Variants in PLCXD3 observed in about 807,000 individuals in gnomAD.
PLCXD3 encodes the protein phosphatidylinositol specific phospholipase C X domain containing 3, also known as PI-PLC X domain-containing protein 3.
In PLCXD3, 19 loss-of-function variants were observed where a neutral mutation model predicts 25.5. The ratio of observed to expected loss-of-function variants is 0.75; its 90% CI spans 0.52 to 1.09. PLCXD3 has a LOEUF of 1.09. Ranked by LOEUF, PLCXD3 falls within the 50% of genes least tolerant of loss-of-function variation. The pLI is 0.00. For missense variants in PLCXD3, 411 were observed against 388.1 expected, an observed-to-expected ratio of 1.06 and a Z score of -0.50; for synonymous variants, 174 against 137.6, an observed-to-expected ratio of 1.26 and a Z score of -1.85.
chr5:41,489,179 A>T (rs6877159), intron 1 of PLCXD3, among the ~76,000 whole-genome samples: 13,335 of 151,976 alleles, frequency 0.088, 738 homozygotes, highest in South Asian at 0.17. Context: ...CCATTTATTA[A>T]ATAGGGAATC....
chr5:41,355,953 G>T (rs1744605358), intron 2 of PLCXD3, among the ~76,000 whole-genome samples: 1 of 152,038 alleles, frequency 6.6e-6, no homozygotes, highest in South Asian at 2.1e-4. Flanking sequence ...TATATGAAAT[G>T]ATTTTTTATA....
intron 1 of PLCXD3, among the ~76,000 whole-genome samples, chr5:41,500,230 T>C: frequency 6.6e-6 from 1 of 151,904 alleles, no homozygotes; most frequent in Non-Finnish European, 1.5e-5. Context: ...TAGAATACTA[T>C]AATATTCAGC....
At position 41,410,239 on chromosome 5, in the gene PLCXD3, A is replaced by C. The variant is rs573332730; in HGVS notation, c.104-27705T>G. 4.6e-5 allele frequency among the ~76,000 whole-genome samples: 7 copies of C among 150,576 alleles called. No homozygotes were observed. In the East Asian group the frequency reaches 1.2e-3, roughly 25 times the overall value. ...ACTGCAGCCTCCGCCTCCTGGGTTC[A>C]AGCAATTCTCCTGCCTCAGCCTCCT... On this transcript the variant is annotated intron_variant, in intron 1 of 2. Coordinates refer to ENST00000377801, the MANE Select transcript of PLCXD3 (RefSeq NM_001005473.3).
At chr5:41,491,306 T>C (rs1748664007) in intron 1 of PLCXD3, among the ~76,000 whole-genome samples, 1 of 152,232 alleles carries the variant, frequency 6.6e-6, no homozygotes, top group African/African-American at 2.4e-5. Flanking sequence ...AGATAGTTTG[T>C]TATAATTTCT....
At chr5:41,505,930 G>T (rs1479372338) in intron 1 of PLCXD3, among the ~76,000 whole-genome samples, 1 of 152,086 alleles carries the variant, frequency 6.6e-6, no homozygotes. Flanking sequence ...CAATAGAAAG[G>T]GCCTAGTAAA....
Position 41,370,402 on chromosome 5 carries a change from T to G in PLCXD3, c.812+11424A>C, listed in dbSNP as rs189645520. 5.9e-5 allele frequency among the ~76,000 whole-genome samples: 9 copies of G among 152,312 alleles called. No individual in the cohort carries two copies. The East Asian group carries it at 1.7e-3, about 29-fold the overall frequency. ...AAATTTTATAGTTTTAACTTTTTTA[T>G]TGCTGTTGTTACACTGAAAATATTA... On this transcript the variant is annotated intron_variant, in intron 2 of 2. Coordinates refer to ENST00000377801, the MANE Select transcript of PLCXD3 (RefSeq NM_001005473.3).
intron 2 of PLCXD3, among the ~76,000 whole-genome samples, chr5:41,374,073 G>T (rs987169548): frequency 4.6e-5 from 7 of 152,078 alleles, no homozygotes; most frequent in Admixed American, 1.3e-4. Context: ...AACTAACTGA[G>T]CCTAGGGAGG....
chr5:41,489,780 A>G (rs897269723), intron 1 of PLCXD3, among the ~76,000 whole-genome samples: 2 of 151,382 alleles, frequency 1.3e-5, no homozygotes, highest in Non-Finnish European at 3.0e-5. Flanking sequence ...TTGTACATTG[A>G]TTTTGTATCC....
intron 1 of PLCXD3, among the ~76,000 whole-genome samples, chr5:41,494,054 G>A (rs1288251343): frequency 6.6e-6 from 1 of 152,190 alleles, no homozygotes; most frequent in Non-Finnish European, 1.5e-5. Flanking sequence ...CTGTAGACCA[G>A]AGCTGTTCCT....
chr5:41,363,227 G>A (rs1455146888), intron 2 of PLCXD3, among the ~76,000 whole-genome samples: 1 of 152,130 alleles, frequency 6.6e-6, no homozygotes, highest in Non-Finnish European at 1.5e-5. Context: ...GAAATAAACC[G>A]TTTATTAATT....
intron 1 of PLCXD3, among the ~76,000 whole-genome samples, chr5:41,407,127 T>C (rs528431265): frequency 6.6e-6 from 1 of 151,646 alleles, no homozygotes; most frequent in Non-Finnish European, 1.5e-5. Context: ...CATGGCCCTT[T>C]GTGTGGACTC....
intron 1 of PLCXD3, among the ~76,000 whole-genome samples, chr5:41,427,537 T>C (rs1209270549): frequency 6.6e-6 from 1 of 152,236 alleles, no homozygotes; most frequent in Non-Finnish European, 1.5e-5. Context: ...TGTGAATGTC[T>C]GTATTAGATG....
chr5:41,446,133 C>T (rs1024575995), intron 1 of PLCXD3, among the ~76,000 whole-genome samples: 4 of 133,576 alleles, frequency 3.0e-5, no homozygotes, highest in African/African-American at 1.1e-4. Flanking sequence ...GCTTGCAGTG[C>T]GCCACAGCAC....
At chr5:41,455,407 A>G (rs2150515517) in intron 1 of PLCXD3, among the ~76,000 whole-genome samples, 1 of 151,998 alleles carries the variant, frequency 6.6e-6, no homozygotes, top group South Asian at 2.1e-4. Flanking sequence ...TTTAAATATG[A>G]TTGACAAGTT....
chr5:41,366,808 G>C (rs115571679), intron 2 of PLCXD3, among the ~76,000 whole-genome samples: 3 of 151,948 alleles, frequency 2.0e-5, no homozygotes, highest in Admixed American at 2.0e-4. Context: ...GCACTCTCCC[G>C]TGCCCCAGTG....
intron 2 of PLCXD3, among the ~76,000 whole-genome samples, chr5:41,316,867 G>GT (rs1227730231): frequency 6.6e-6 from 1 of 152,122 alleles, no homozygotes; most frequent in African/African-American, 2.4e-5. Flanking sequence ...AATTTCTAAG[G>GT]TTTTTGGCTC....
At chr5:41,443,084 G>GTATAATTATAATATA (rs1747418236) in intron 1 of PLCXD3, among the ~76,000 whole-genome samples, 2 of 148,410 alleles carry the variant, frequency 1.3e-5, no homozygotes, top group Admixed American at 6.8e-5. Flanking sequence ...TCCAGAGGCT[G>GTATAATTATAATATA]TATAATTATA....
chr5:41,410,289 G>A (rs559510493), intron 1 of PLCXD3, among the ~76,000 whole-genome samples: 13 of 151,792 alleles, frequency 8.6e-5, no homozygotes, highest in South Asian at 6.3e-4. Context: ...ACAGGCGTGC[G>A]CCCCCACGCC....
At chr5:41,449,013 C>A (rs1747568395) in intron 1 of PLCXD3, among the ~76,000 whole-genome samples, 1 of 152,152 alleles carries the variant, frequency 6.6e-6, no homozygotes, top group African/African-American at 2.4e-5. Flanking sequence ...CACTATGGTT[C>A]CTTGCCCATG....
Sources: gnomAD v4.1 joint callset for allele counts (sites outside exome capture counted in the v4.1 genomes callset) on GRCh38, gnomAD v4.1.1 for gene constraint, MANE v1.5 for transcripts, NCBI Gene and HGNC (gene_info 2026-07-23, HGNC 2026-07-21) for gene names.